GRB14: variants seen among roughly 807,000 people sequenced by gnomAD.
The protein encoded by GRB14 is growth factor receptor-bound protein 14.
GRB14 carries 38 observed loss-of-function variants against 69.1 expected under a neutral mutation model. The observed-to-expected ratio is 0.55, with a 90% CI of 0.42 to 0.72. The LOEUF (loss-of-function observed/expected upper bound fraction) is 0.72, where lower values mean the gene tolerates loss of function less well. Among genes scored for constraint, GRB14 ranks in the 30% least tolerant of loss-of-function variants. The probability of loss-of-function intolerance (pLI) is 0.00; values close to 1 mark genes in which losing one functional copy is unlikely to be tolerated. For missense variants in GRB14, 666 were observed against 666.1 expected, an observed-to-expected ratio of 1.00 and a Z score of 0.00; for synonymous variants, 247 against 241.3, an observed-to-expected ratio of 1.02 and a Z score of -0.22.
Position 164,621,228 on chromosome 2 carries a change from C to CA in GRB14, c.81dup (p.Gly28TrpfsTer44). On this transcript the variant is annotated frameshift_variant, in exon 1 of 14. Coordinates refer to ENST00000263915, the MANE Select transcript of GRB14 (RefSeq NM_004490.3). LOFTEE classifies it high-confidence loss of function. The surrounding 1 kb of genome is among the most constrained non-coding windows in gnomAD (Gnocchi z 6.0). Reference sequence around the variant, plus strand: ...GCGTCGCCCCTCCCCTGGGCAGCGCCACACACCTGGGCGGCCAGCGGCGAA... The same window carrying CA: ...GCGTCGCCCCTCCCCTGGGCAGCGCCAACACACCTGGGCGGCCAGCGGCGAA... The CA allele has an allele frequency of 7.9e-7, 1 of 1,258,148 alleles. No homozygotes were observed. 77.9% of individuals were successfully genotyped at this position (1,258,148 alleles called of 1,614,324 possible).
At chr2:164,497,682 G>A (rs1014193868) in intron 9 of GRB14, among the ~76,000 whole-genome samples, 192 bp from the exon 10 acceptor site, 60 of 152,184 alleles carry the variant, frequency 3.9e-4, no homozygotes, top group African/African-American at 1.4e-3. Context: ...AGATATAAAG[G>A]TGCTAAAAAT....
At chr2:164,573,672 C>A (rs894620921) in intron 2 of GRB14, 228 of 1,585,662 alleles carry the variant, frequency 1.4e-4, no homozygotes, top group Non-Finnish European at 4.7e-5. Flanking sequence ...TCAGTAGAAG[C>A]CAGAATCTTG....
intron 2 of GRB14, among the ~76,000 whole-genome samples, chr2:164,575,722 T>C (rs1391531760): frequency 6.6e-6 from 1 of 152,084 alleles, no homozygotes. Context: ...GAATAATAGA[T>C]CATTTTTAAG....
intron 2 of GRB14, among the ~76,000 whole-genome samples, chr2:164,566,907 T>C (rs148891668): frequency 2.1e-4 from 32 of 152,112 alleles, no homozygotes; most frequent in Non-Finnish European, 7.4e-5. Flanking sequence ...GTCACAGGGC[T>C]AGTAAATGGA....
chr2:164,560,355 G>A (rs1559051171), intron 2 of GRB14, among the ~76,000 whole-genome samples: 1 of 151,846 alleles, frequency 6.6e-6, no homozygotes, highest in East Asian at 1.9e-4. Context: ...ATAGCTTCTC[G>A]CCAGAATAAT....
chr2:164,504,711 G>C (rs540111172), intron 8 of GRB14, among the ~76,000 whole-genome samples: 1 of 152,292 alleles, frequency 6.6e-6, no homozygotes, highest in African/African-American at 2.4e-5. Context: ...GTGGTAGGTA[G>C]AATAATGGTC....
At chr2:164,532,340 G>A (rs1441284471) in intron 3 of GRB14, among the ~76,000 whole-genome samples, 2 of 152,196 alleles carry the variant, frequency 1.3e-5, no homozygotes, top group Admixed American at 1.3e-4. Context: ...ATTTCTGCAT[G>A]TCTGAGTCTG....
intron 2 of GRB14, among the ~76,000 whole-genome samples, chr2:164,565,898 T>G (rs1438443897): frequency 6.6e-6 from 1 of 152,168 alleles, no homozygotes; most frequent in African/African-American, 2.4e-5. Context: ...TGTTTAAAAT[T>G]CAAGTTCCTA....
rs1243636270 is a variant in GRB14 at position 164,494,067 on chromosome 2, A to C, written c.1476+364T>G. ...AAACAAAACAAAAAAAACATTTTTG[A>C]GAGAAGAGAGGAGAAAAGGCTTTAA... On this transcript the variant is annotated intron_variant, in intron 13 of 13. Transcript: ENST00000263915. 4.6e-5 allele frequency among the ~76,000 whole-genome samples: 7 copies of C among 152,190 alleles called. No individual in the cohort carries two copies. In the East Asian group the frequency reaches 1.3e-3, roughly 29 times the overall value.
At chr2:164,553,614 G>A (rs181240726) in intron 2 of GRB14, among the ~76,000 whole-genome samples, 50 of 152,146 alleles carry the variant, frequency 3.3e-4, no homozygotes, top group African/African-American at 1.1e-3. Context: ...TTCCTTATAC[G>A]ATGAATGGGA....
intron 9 of GRB14, among the ~76,000 whole-genome samples, chr2:164,499,542 G>A (rs1401853156): frequency 2.6e-5 from 4 of 152,014 alleles, no homozygotes; most frequent in African/African-American, 7.3e-5. Flanking sequence ...TTCAGAATTG[G>A]TTATATTTCT....
chr2:164,503,684 A>G (rs979462630), intron 8 of GRB14, among the ~76,000 whole-genome samples: 1 of 152,168 alleles, frequency 6.6e-6, no homozygotes, highest in Non-Finnish European at 1.5e-5. Flanking sequence ...AATAGCTTTA[A>G]AAAGAAGGCA....
rs151180361 is a variant in GRB14, at chr2:164,554,757, C to T, written c.325-6941G>A. 1.8e-3 allele frequency among the ~76,000 whole-genome samples: 275 copies of T among 152,186 alleles called. 4 individuals are homozygous for T. Among genetic ancestry groups the T allele is most frequent in the African/African-American group, 5.2e-3 (217 of 41,508 alleles). On this transcript the variant is annotated intron_variant, in intron 2 of 13. Transcript: ENST00000263915. ...TGGGTGAAGCAAATCTCTGTTTTGGCTGACATTCTATCAAGGCATGTTTAT... is the reference window on the plus strand; with the variant it reads ...TGGGTGAAGCAAATCTCTGTTTTGGTTGACATTCTATCAAGGCATGTTTAT...
chr2:164,521,717 T>C (rs1159385245), intron 6 of GRB14, among the ~76,000 whole-genome samples: 2 of 151,530 alleles, frequency 1.3e-5, no homozygotes, highest in African/African-American at 4.9e-5. Flanking sequence ...GAGAAAGGAG[T>C]GAATTCAGAG....
rs369607237 is a variant in GRB14 at position 164,579,043 on chromosome 2, C to T, written c.325-31227G>A. On this transcript the variant is annotated intron_variant, in intron 2 of 13. Transcript: ENST00000263915. ...ACACAGTGTCCAATTTAAAAAAAAA[C>T]AAATTATACAATATTACTTAGTATG... Among the ~76,000 whole-genome samples, 13 of 150,674 alleles carry T rather than the reference C, an allele frequency of 8.6e-5. No homozygotes were observed. In the East Asian group the frequency reaches 1.5e-3, roughly 18 times the overall value.
intron 2 of GRB14, among the ~76,000 whole-genome samples, chr2:164,603,372 G>A (rs1247643117): frequency 6.6e-6 from 1 of 152,040 alleles, no homozygotes; most frequent in Admixed American, 6.6e-5. Flanking sequence ...ACATAAAAAT[G>A]ACTACATGAG....
At chr2:164,597,865 A>G (rs1011921611) in intron 2 of GRB14, among the ~76,000 whole-genome samples, 1 of 152,124 alleles carries the variant, frequency 6.6e-6, no homozygotes, top group African/African-American at 2.4e-5. Flanking sequence ...CAAAATTGAT[A>G]CCTTGGAAAG....
chr2:164,550,321 C>T (rs1688502591), intron 2 of GRB14, among the ~76,000 whole-genome samples: 2 of 152,268 alleles, frequency 1.3e-5, no homozygotes, highest in South Asian at 4.2e-4. Flanking sequence ...CCTAAATAAC[C>T]ACATAGAAGA....
intron 3 of GRB14, among the ~76,000 whole-genome samples, chr2:164,528,902 T>C (rs1336645457): frequency 1.3e-5 from 2 of 152,176 alleles, no homozygotes; most frequent in Non-Finnish European, 2.9e-5. Flanking sequence ...ATTTCACTTC[T>C]GGCTGTTTAC....
Sources: allele counts gnomAD v4.1 joint callset (sites outside exome capture counted in the v4.1 genomes callset), GRCh38; gene constraint gnomAD v4.1.1; non-coding constraint Gnocchi (gnomAD v3.1); transcripts MANE v1.5; gene names NCBI Gene and HGNC (gene_info 2026-07-23, HGNC 2026-07-21).